CDK14: variants seen among roughly 807,000 people sequenced by gnomAD.
CDK14 encodes the protein cyclin-dependent kinase 14.
A neutral mutation model predicts 60.7 loss-of-function variants in CDK14; 34 were observed. The observed-to-expected ratio is 0.56, with a 90% CI of 0.43 to 0.75. CDK14 has a LOEUF of 0.75. CDK14 is among the 30% of genes least tolerant of loss of function. The pLI, the probability that CDK14 is intolerant of heterozygous loss-of-function variation, is 0.00. For missense variants in CDK14, 482 were observed against 564.1 expected (o/e 0.85, Z 1.47); for synonymous variants, 197 against 203.7 (o/e 0.97, Z 0.28).
At chr7:90,839,141 G>A (rs1390488459) in intron 5 of CDK14, among the ~76,000 whole-genome samples, 1 of 152,200 alleles carries the variant, frequency 6.6e-6, no homozygotes, top group Non-Finnish European at 1.5e-5. Flanking sequence ...TGAAATATTG[G>A]GGGTGGTTCC....
At chr7:90,930,799 G>T (rs892469222) in intron 8 of CDK14, among the ~76,000 whole-genome samples, 2 of 152,028 alleles carry the variant, frequency 1.3e-5, no homozygotes, top group Non-Finnish European at 2.9e-5. Context: ...TAATCCTGTG[G>T]AGTAGAGAGT....
intron 6 of CDK14, among the ~76,000 whole-genome samples, chr7:90,871,885 T>C (rs1217180043): frequency 6.6e-6 from 1 of 152,190 alleles, no homozygotes; most frequent in East Asian, 1.9e-4. Flanking sequence ...CAAGTTTCCA[T>C]AGCAAATGAT....
chr7:90,700,759 T>A (rs1187438781), intron 2 of CDK14, among the ~76,000 whole-genome samples: 1 of 152,194 alleles, frequency 6.6e-6, no homozygotes, highest in Non-Finnish European at 1.5e-5. Flanking sequence ...CAATTTTGCC[T>A]GATCTGTCAT....
chr7:91,042,016 A>G (rs1191549760), intron 10 of CDK14, among the ~76,000 whole-genome samples: 1 of 152,200 alleles, frequency 6.6e-6, no homozygotes, highest in Non-Finnish European at 1.5e-5. Flanking sequence ...TCTAAATAGA[A>G]GTTTGCATAA....
intron 4 of CDK14, among the ~76,000 whole-genome samples, chr7:90,779,363 C>T (rs370301790): frequency 2.6e-5 from 4 of 152,166 alleles, no homozygotes; most frequent in South Asian, 2.1e-4. Flanking sequence ...AGTGGTTCCC[C>T]GACCTCAGCA....
chr7:91,135,018 A>AT (rs1186668430), intron 14 of CDK14, among the ~76,000 whole-genome samples: 1 of 152,056 alleles, frequency 6.6e-6, no homozygotes. Context: ...ATACATATAT[A>AT]TTTCTGTCAA....
At chr7:90,982,640 G>T (rs191105179) in intron 9 of CDK14, among the ~76,000 whole-genome samples, 3 of 152,244 alleles carry the variant, frequency 2.0e-5, no homozygotes, top group African/African-American at 7.2e-5. Context: ...CATGACTTGA[G>T]GACTCTTATA....
chr7:90,909,548 G>C (rs1792821907), intron 7 of CDK14, among the ~76,000 whole-genome samples: 1 of 151,128 alleles, frequency 6.6e-6, no homozygotes, highest in Admixed American at 6.6e-5. Flanking sequence ...AGTCACACTA[G>C]CCTCACTTGA....
intron 9 of CDK14, among the ~76,000 whole-genome samples, chr7:90,983,369 C>T (rs1584196998): frequency 6.6e-6 from 1 of 152,058 alleles, no homozygotes; most frequent in Non-Finnish European, 1.5e-5. Context: ...GAATACTATG[C>T]AGCCATAAAA....
intron 8 of CDK14, among the ~76,000 whole-genome samples, chr7:90,921,337 A>G (rs759016493): frequency 1.3e-5 from 2 of 152,074 alleles, no homozygotes; most frequent in Non-Finnish European, 2.9e-5. Context: ...TAGAAGTTAT[A>G]GTTCATGTCA....
At chr7:90,765,624 T>G in intron 4 of CDK14, among the ~76,000 whole-genome samples, 1 of 151,460 alleles carries the variant, frequency 6.6e-6, no homozygotes. Context: ...TTTAAGAATG[T>G]TAAGGGACTG....
At chr7:90,784,585 C>G (rs1200746189) in intron 4 of CDK14, among the ~76,000 whole-genome samples, 1 of 152,130 alleles carries the variant, frequency 6.6e-6, no homozygotes, top group Non-Finnish European at 1.5e-5. Context: ...TAATTTAAGA[C>G]AAACTAGTTT....
At chr7:91,184,204 TAAAA>T (rs59565390) in intron 14 of CDK14, among the ~76,000 whole-genome samples, 1 of 36,664 alleles carries the variant, frequency 2.7e-5, no homozygotes, top group Non-Finnish European at 4.4e-5. Context: ...GGCTCCGTCT[TAAAA>T]AAAAAAAAAA....
At chr7:91,190,191 A>G (rs529546832) in intron 14 of CDK14, among the ~76,000 whole-genome samples, 7 of 152,266 alleles carry the variant, frequency 4.6e-5, no homozygotes, top group African/African-American at 1.7e-4. Context: ...CTCATTGTTC[A>G]CTCAGAGACA....
chr7:90,948,976 T>C, intron 8 of CDK14, among the ~76,000 whole-genome samples: 1 of 152,242 alleles, frequency 6.6e-6, no homozygotes, highest in Non-Finnish European at 1.5e-5. Context: ...GTTTTCCACA[T>C]CTATTAATTT....
intron 8 of CDK14, among the ~76,000 whole-genome samples, chr7:90,922,302 TC>T (rs1220711945): frequency 6.6e-6 from 1 of 152,228 alleles, no homozygotes; most frequent in Non-Finnish European, 1.5e-5. Context: ...TTCTAAAAGA[TC>T]CTTTCAACAT....
intron 12 of CDK14, chr7:91,107,345 G>A (rs1799334059): frequency 6.6e-6 from 1 of 152,176 alleles, no homozygotes; most frequent in Admixed American, 6.5e-5. Context: ...GTCATGTGAA[G>A]TCACACACAG....
At chr7:90,717,377 A>G (rs969368067) in intron 2 of CDK14, among the ~76,000 whole-genome samples, 4 of 152,114 alleles carry the variant, frequency 2.6e-5, no homozygotes, top group African/African-American at 9.7e-5. Context: ...CAAAACAGTT[A>G]TCAAGCCTAT....
At chr7:91,102,986 G>C (rs10244753) in intron 12 of CDK14, among the ~76,000 whole-genome samples, 21,529 of 152,152 alleles carry the variant, frequency 0.14, 2,819 homozygotes, top group African/African-American at 0.34. Flanking sequence ...GGGTGCGATA[G>C]TTCACACCTA....
Sources: gnomAD v4.1 joint callset for allele counts (sites outside exome capture counted in the v4.1 genomes callset) on GRCh38, gnomAD v4.1.1 for gene constraint, MANE v1.5 for transcripts, NCBI Gene and HGNC (gene_info 2026-07-23, HGNC 2026-07-21) for gene names.